The following PRKCA variants were observed in gnomAD, a reference collection of about 807,000 sequenced individuals.
The protein encoded by PRKCA is protein kinase C alpha.
In PRKCA, 27 loss-of-function variants were observed where a neutral mutation model predicts 87.0. The ratio of observed to expected loss-of-function variants is 0.31; its 90% CI spans 0.23 to 0.43. PRKCA has a LOEUF of 0.43. PRKCA is among the 20% of genes least tolerant of loss of function. PRKCA has a pLI of 1.00. For missense variants in PRKCA, 518 were observed against 852.3 expected (o/e 0.61, Z 4.88); for synonymous variants, 329 against 311.1 (o/e 1.06, Z -0.61).
chr17:66,409,033 CA>C (rs10661202), intron 2 of PRKCA, among the ~76,000 whole-genome samples: 3,862 of 76,812 alleles, frequency 0.05, 54 homozygotes, highest in Non-Finnish European at 0.064. Flanking sequence ...TCCCCAGTCT[CA>C]AAAAAAAAAA....
At chr17:66,611,914 G>A (rs1970375493) in intron 3 of PRKCA, among the ~76,000 whole-genome samples, 2 of 152,062 alleles carry the variant, frequency 1.3e-5, no homozygotes, top group Admixed American at 6.6e-5. Flanking sequence ...TTTCCCTATG[G>A]CTAATGATGT....
At chr17:66,658,898 A>G (rs17688050) in intron 5 of PRKCA, among the ~76,000 whole-genome samples, 23,827 of 152,228 alleles carry the variant, frequency 0.16, 2,307 homozygotes, top group Non-Finnish European at 0.22. Context: ...TTTTTTCTTC[A>G]CTATGCCCAC....
intron 5 of PRKCA, among the ~76,000 whole-genome samples, chr17:66,675,986 C>T (rs1031875942): frequency 6.6e-6 from 1 of 152,128 alleles, no homozygotes; most frequent in Non-Finnish European, 1.5e-5. Context: ...TGACCGCCCC[C>T]GGAACATCAC....
chr17:66,314,933 A>ATG (rs991101457), intron 2 of PRKCA, among the ~76,000 whole-genome samples: 3 of 144,226 alleles, frequency 2.1e-5, no homozygotes, highest in Non-Finnish European at 3.1e-5. Context: ...GTGTATATAT[A>ATG]TGTGTGTGTG....
intron 3 of PRKCA, among the ~76,000 whole-genome samples, chr17:66,627,739 G>C (rs1970895382): frequency 6.6e-6 from 1 of 152,170 alleles, no homozygotes; most frequent in Non-Finnish European, 1.5e-5. Context: ...GTTTCTTCTG[G>C]CAGGTTCTCC....
intron 2 of PRKCA, among the ~76,000 whole-genome samples, chr17:66,411,800 A>G (rs537749715): frequency 1.1e-4 from 16 of 152,210 alleles, no homozygotes; most frequent in Admixed American, 2.0e-4. Flanking sequence ...TTGATGAAGC[A>G]GTATTAATGT....
chr17:66,428,634 G>C (rs971081339), intron 2 of PRKCA, among the ~76,000 whole-genome samples: 3 of 151,826 alleles, frequency 2.0e-5, no homozygotes, highest in African/African-American at 7.3e-5. Context: ...CTCCCGAGAA[G>C]CTGGGACTAC....
intron 13 of PRKCA, among the ~76,000 whole-genome samples, chr17:66,768,669 C>T (rs1224559571): frequency 1.3e-5 from 2 of 152,106 alleles, no homozygotes; most frequent in South Asian, 2.1e-4. Context: ...GACAACAAGG[C>T]GGGAAGCGCC....
intron 3 of PRKCA, among the ~76,000 whole-genome samples, chr17:66,515,098 G>A (rs4791055): frequency 0.49 from 74,749 of 151,358 alleles, 18,804 homozygotes; most frequent in East Asian, 0.75. Flanking sequence ...TACTAAAAAT[G>A]CAAAAAAATT....
At chr17:66,353,494 T>G (rs1907876005) in intron 2 of PRKCA, among the ~76,000 whole-genome samples, 1 of 152,106 alleles carries the variant, frequency 6.6e-6, no homozygotes, top group Non-Finnish European at 1.5e-5. Flanking sequence ...GGCGGGTGGA[T>G]CACCTGAGGT....
At chr17:66,561,417 C>T (rs769152738) in intron 3 of PRKCA, among the ~76,000 whole-genome samples, 24 of 152,196 alleles carry the variant, frequency 1.6e-4, no homozygotes, top group Non-Finnish European at 2.8e-4. Flanking sequence ...GGGTTAGCCC[C>T]GTGCCTTGAT....
intron 2 of PRKCA, among the ~76,000 whole-genome samples, chr17:66,485,318 T>C (rs2144068999): frequency 6.6e-6 from 1 of 152,238 alleles, no homozygotes; most frequent in East Asian, 1.9e-4. Flanking sequence ...AATAAAAAGA[T>C]CCTGAAAGGT....
intron 3 of PRKCA, among the ~76,000 whole-genome samples, chr17:66,511,270 A>G (rs941835360): frequency 3.3e-5 from 5 of 152,106 alleles, no homozygotes; most frequent in African/African-American, 1.2e-4. Flanking sequence ...GAGGTGGGTG[A>G]TTTTAGGTTT....
intron 3 of PRKCA, among the ~76,000 whole-genome samples, chr17:66,547,331 C>T (rs1457753960): frequency 6.6e-6 from 1 of 152,156 alleles, no homozygotes; most frequent in African/African-American, 2.4e-5. Flanking sequence ...CTATGGATGA[C>T]ACACAATCTC....
intron 2 of PRKCA, among the ~76,000 whole-genome samples, chr17:66,396,874 C>T (rs1293591074): frequency 2.0e-5 from 3 of 149,958 alleles, no homozygotes; most frequent in Non-Finnish European, 4.4e-5. Context: ...GCCATGAATA[C>T]CTTTCTACAT....
At chr17:66,361,086 C>T (rs533851618) in intron 2 of PRKCA, among the ~76,000 whole-genome samples, 5 of 151,864 alleles carry the variant, frequency 3.3e-5, no homozygotes, top group South Asian at 2.1e-4. Flanking sequence ...CAACATGATG[C>T]GGCCTTGGTT....
Position 66,805,193 on chromosome 17 carries a change from G to C in PRKCA, c.*1156G>C, listed in dbSNP as rs1976002382. The C allele has an allele frequency of 2.1e-6, 2 of 936,812 alleles. No individual in the cohort carries two copies. The highest frequency in any genetic ancestry group is 5.0e-5 in the South Asian group (1 of 20,198). 58.0% of individuals were successfully genotyped at this position (936,812 alleles called of 1,614,324 possible). ...GTTGAATGACAGGCCTGGAGCTGTA[G>C]AATCAGGAAACCCGGATGCCTAACA... On this transcript the variant is annotated 3_prime_UTR_variant, in exon 17 of 17. Coordinates refer to ENST00000413366, the MANE Select transcript of PRKCA (RefSeq NM_002737.3).
chr17:66,578,483 G>A (rs972770434), intron 3 of PRKCA, among the ~76,000 whole-genome samples: 3 of 152,206 alleles, frequency 2.0e-5, no homozygotes, highest in Non-Finnish European at 1.5e-5. Flanking sequence ...TTCTAGACGA[G>A]GTGGTCTCAG....
intron 3 of PRKCA, among the ~76,000 whole-genome samples, chr17:66,622,611 C>T (rs1005376365): frequency 6.6e-6 from 1 of 152,150 alleles, no homozygotes; most frequent in African/African-American, 2.4e-5. Flanking sequence ...ACTCAATAAA[C>T]AAGGGAACTG....
Sources: allele counts gnomAD v4.1 joint callset (sites outside exome capture counted in the v4.1 genomes callset), GRCh38; gene constraint gnomAD v4.1.1; transcripts MANE v1.5; gene names NCBI Gene and HGNC (gene_info 2026-07-23, HGNC 2026-07-21).